Variants in PDE3A observed in about 807,000 individuals in gnomAD.
PDE3A encodes cGMP-inhibited 3',5'-cyclic phosphodiesterase 3A.
A neutral mutation model predicts 98.3 loss-of-function variants in PDE3A; 43 were observed. That is an observed-to-expected ratio of 0.44 (90% CI 0.34 to 0.56). PDE3A has a LOEUF of 0.56. Ranked by LOEUF, PDE3A falls within the 20% of genes least tolerant of loss-of-function variation. The pLI is 0.01. For synonymous variants in PDE3A, 663 were observed against 567.9 expected (o/e 1.17, Z -2.38); for missense variants, 1,427 against 1,440.7 (o/e 0.99, Z 0.15).
chr12:20,370,429 T>TTTGTTTGGG (rs1943452200), intron 1 of PDE3A, among the ~76,000 whole-genome samples, 185 bp downstream of exon 1: 1 of 151,454 alleles, frequency 6.6e-6, no homozygotes. Context: ...TTTTGTTTTT[T>TTTGTTTGGG]TGCCCTCTCT....
chr12:20,376,155 T>C (rs1282990075), intron 1 of PDE3A, among the ~76,000 whole-genome samples: 3 of 151,924 alleles, frequency 2.0e-5, no homozygotes, highest in Admixed American at 6.6e-5. Flanking sequence ...GTCGAGTTAG[T>C]TTATGACTGT....
chr12:20,531,039 A>C (rs2121186418), intron 1 of PDE3A, among the ~76,000 whole-genome samples: 1 of 152,248 alleles, frequency 6.6e-6, no homozygotes, highest in South Asian at 2.1e-4. Context: ...GGTTGCTTGA[A>C]GTTCCCAGAG....
intron 2 of PDE3A, among the ~76,000 whole-genome samples, chr12:20,584,916 T>C (rs949306191): frequency 1.3e-5 from 2 of 152,210 alleles, no homozygotes; most frequent in Non-Finnish European, 2.9e-5. Flanking sequence ...AAAAATAAGT[T>C]TCACTTAAAG....
In PDE3A at chr12:20,522,189, C is replaced by T. The variant is rs147232986; in HGVS notation, c.961-34471C>T. ...GTTTACCCTACAGCATCATTCACGT[C>T]TGCTCTCTCATGTGCTTGCGATACA... On this transcript the variant is annotated intron_variant, in intron 1 of 15. Coordinates refer to ENST00000359062, the MANE Select transcript of PDE3A (RefSeq NM_000921.5). Among the ~76,000 whole-genome samples, 1,003 of 152,264 alleles carry T rather than the reference C, an allele frequency of 6.6e-3. 11 individuals are homozygous for T. Among genetic ancestry groups the T allele is most frequent in the African/African-American group, 0.023 (935 of 41,536 alleles).
chr12:20,672,932 A>T (rs1384799799), intron 15 of PDE3A, among the ~76,000 whole-genome samples: 101 of 148,466 alleles, frequency 6.8e-4, no homozygotes, highest in Non-Finnish European at 1.2e-3. Context: ...ATGGGAGAAA[A>T]TTTTCACAAC....
In PDE3A at chr12:20,681,486, G is replaced by A. The variant is rs1945782045; in HGVS notation, c.*1215G>A. The A allele has an allele frequency of 6.6e-6, 1 of 152,216 alleles. No homozygotes were observed. Among genetic ancestry groups the A allele is most frequent in the African/African-American group, 2.4e-5 (1 of 41,460 alleles). The allele number at this position is 152,216 out of a possible 1,614,324, so 9.4% of individuals were successfully genotyped here. On this transcript the variant is annotated 3_prime_UTR_variant, in exon 16 of 16. Transcript: ENST00000359062. The stretch of plus-strand genomic sequence containing the variant: ...CTGGGTTATATAGCAAGAGATGAAG[G>A]AGAATATTTCAACACAGGGTTTTTG...
At chr12:20,558,357 T>G (rs1942423069) in intron 2 of PDE3A, among the ~76,000 whole-genome samples, 1 of 152,104 alleles carries the variant, frequency 6.6e-6, no homozygotes, top group Non-Finnish European at 1.5e-5. Context: ...TAAAATTTGA[T>G]TATATTTGAA....
intron 1 of PDE3A, among the ~76,000 whole-genome samples, chr12:20,373,723 T>C (rs1482499640): frequency 2.0e-5 from 3 of 152,060 alleles, no homozygotes; most frequent in African/African-American, 7.2e-5. Flanking sequence ...AATGACAACA[T>C]TTTTTTGGGA....
chr12:20,641,215 T>C (rs1944641240), intron 10 of PDE3A, among the ~76,000 whole-genome samples: 2 of 152,044 alleles, frequency 1.3e-5, no homozygotes, highest in Non-Finnish European at 2.9e-5. Flanking sequence ...TTCTGAAGAA[T>C]GTGGGACCAA....
At chr12:20,613,858 TAA>T (rs1943932616) in intron 3 of PDE3A, among the ~76,000 whole-genome samples, 158 bp downstream of exon 3, 1 of 152,186 alleles carries the variant, frequency 6.6e-6, no homozygotes, top group African/African-American at 2.4e-5. Flanking sequence ...TATTTAAACA[TAA>T]AGACTTCTGT....
intron 5 of PDE3A, among the ~76,000 whole-genome samples, chr12:20,625,621 G>A (rs967542146): frequency 3.3e-5 from 5 of 152,026 alleles, no homozygotes; most frequent in African/African-American, 1.2e-4. Flanking sequence ...TTCCTTTTTT[G>A]TTCCATTAAA....
intron 1 of PDE3A, among the ~76,000 whole-genome samples, chr12:20,419,465 T>C (rs993213346): frequency 4.0e-5 from 6 of 151,722 alleles, no homozygotes; most frequent in Non-Finnish European, 8.8e-5. Flanking sequence ...ACTGTTTTTG[T>C]TTTTTGTTTT....
intron 1 of PDE3A, among the ~76,000 whole-genome samples, chr12:20,466,459 C>G (rs1462891538): frequency 1.3e-5 from 2 of 151,946 alleles, no homozygotes; most frequent in African/African-American, 4.9e-5. Context: ...AGTAGACCAT[C>G]TAACAGGGTG....
intron 1 of PDE3A, among the ~76,000 whole-genome samples, chr12:20,495,046 C>T (rs1407701102): frequency 6.6e-6 from 1 of 152,112 alleles, no homozygotes; most frequent in African/African-American, 2.4e-5. Context: ...TAGTGTCTGT[C>T]TAAAATCATT....
rs73232502 is a variant in PDE3A at position 20,393,542 on chromosome 12, A to G, written c.960+23298A>G. 3.4e-3 allele frequency among the ~76,000 whole-genome samples: 522 copies of G among 152,134 alleles called. 2 individuals are homozygous for G. Among genetic ancestry groups the G allele is most frequent in the African/African-American group, 0.012 (492 of 41,542 alleles). On this transcript the variant is annotated intron_variant, in intron 1 of 15. Coordinates refer to ENST00000359062, the MANE Select transcript of PDE3A (RefSeq NM_000921.5). ...CAAAGAAAGATAAATGTTTAAGGTG[A>G]TGTATCATCCAGTTACCTGATTTGA...
At chr12:20,515,066 A>T (rs1334844954) in intron 1 of PDE3A, among the ~76,000 whole-genome samples, 1 of 152,196 alleles carries the variant, frequency 6.6e-6, no homozygotes, top group Non-Finnish European at 1.5e-5. Context: ...TCATCCTTTC[A>T]TAATGGTATC....
chr12:20,616,116 C>T, intron 3 of PDE3A, 114 bp from the exon 4 acceptor site: 5 of 902,408 alleles, frequency 5.5e-6, no homozygotes, highest in Non-Finnish European at 6.5e-6. Context: ...GATATTAAAC[C>T]AATGTAATTT....
At chr12:20,596,502 A>G (rs1283390198) in intron 2 of PDE3A, among the ~76,000 whole-genome samples, 1 of 152,164 alleles carries the variant, frequency 6.6e-6, no homozygotes, top group Non-Finnish European at 1.5e-5. Flanking sequence ...ATTAACCCAG[A>G]CTTGTAGACA....
intron 2 of PDE3A, among the ~76,000 whole-genome samples, chr12:20,589,870 A>C (rs979854622): frequency 1.7e-4 from 5 of 28,572 alleles, no homozygotes; most frequent in African/African-American, 6.0e-4. Flanking sequence ...CTGCATCTTA[A>C]AAAAAAAAAA....
Sources: allele counts gnomAD v4.1 joint callset (sites outside exome capture counted in the v4.1 genomes callset), GRCh38; gene constraint gnomAD v4.1.1; transcripts MANE v1.5; gene names NCBI Gene and HGNC (gene_info 2026-07-23, HGNC 2026-07-21).